RELL2: variants seen among roughly 807,000 people sequenced by gnomAD.
The protein encoded by RELL2 is RELT like 2.
RELL2 carries 18 observed loss-of-function variants against 27.5 expected under a neutral mutation model. The ratio of observed to expected loss-of-function variants is 0.65; its 90% CI spans 0.45 to 0.97. The LOEUF (loss-of-function observed/expected upper bound fraction) is 0.97, where lower values mean the gene tolerates loss of function less well. Ranked by LOEUF, RELL2 falls within the 50% of genes least tolerant of loss-of-function variation. RELL2 has a pLI of 0.00. For synonymous variants in RELL2, 156 were observed against 147.5 expected (o/e 1.06, Z -0.42); for missense variants, 370 against 397.5 (o/e 0.93, Z 0.59).
Position 141,639,300 on chromosome 5 carries a change from A to G in RELL2, c.318-164A>G. 3.2e-6 allele frequency: 2 copies of G among 632,034 alleles called. No homozygotes were observed. The highest frequency in any genetic ancestry group is 2.1e-5 in the South Asian group (1 of 47,364). 39.2% of individuals were successfully genotyped at this position (632,034 alleles called of 1,614,324 possible). A position where few individuals can be genotyped will look rare whatever the true frequency, so the allele number is the denominator to read the frequency against. On this transcript the variant is annotated intron_variant, in intron 3 of 6. Coordinates refer to ENST00000297164, the MANE Select transcript of RELL2 (RefSeq NM_173828.5). The surrounding 1 kb of genome is among the most constrained non-coding windows in gnomAD (Gnocchi z 4.4). ...GCCCTGGGAGGAAGAACATATGGTC[A>G]CTAACATCTTAATATTGAGTTTATT...
In RELL2 at chr5:141,639,128, G is replaced by C. The variant is rs1394611939; in HGVS notation, c.317+107G>C. On this transcript the variant is annotated intron_variant, in intron 3 of 6. Transcript: ENST00000297164. This position sits in a 1 kb window ranked among gnomAD's most constrained non-coding sequence, Gnocchi z 4.4. ...CTTGCATGTATGGGGTTGGGGGAAG[G>C]GCAAAGCTGGCTAACTTATAGGAAG... The C allele has an allele frequency of 5.5e-6, 5 of 913,412 alleles. No individual in the cohort carries two copies. The East Asian group carries it at 1.3e-4, about 24-fold the overall frequency. 56.6% of individuals were successfully genotyped at this position (913,412 alleles called of 1,614,324 possible).
rs780217003 is a variant in RELL2 at position 141,639,612 on chromosome 5, C to A, written c.466C>A (p.Pro156Thr). ...QGRSKEGKSR[P>T]RTGETTVFSV... is the part of the protein sequence containing the mutation. ...ACGCTCCAAGGAAGGAAAAAGCCGCCCCCGGACAGGGGAGACCACTGTGTT... is the reference window on the plus strand; with the variant it reads ...ACGCTCCAAGGAAGGAAAAAGCCGCACCCGGACAGGGGAGACCACTGTGTT... Residue 156 changes from proline (P) to threonine (T), a missense_variant, in exon 4 of 7, where the codon CCC becomes ACC. Pro to Thr is a conservative substitution (Grantham distance 38, BLOSUM62 -1). Transcript: ENST00000297164. This position sits in a 1 kb window ranked among gnomAD's most constrained non-coding sequence, Gnocchi z 4.4. 6.2e-7 allele frequency: 1 copy of A among 1,613,252 alleles called. No homozygotes were observed. Among genetic ancestry groups the A allele is most frequent in the Non-Finnish European group, 8.5e-7 (1 of 1,179,884 alleles).
chr5:141,640,280 C>G lies in RELL2; in HGVS notation c.864C>G (p.Asp288Glu). Residue 288 changes from aspartate (D) to glutamate (E), a missense_variant, in exon 5 of 7, where the codon GAC becomes GAG. Transcript: ENST00000297164. ...CAAATGGGCAGCCAAGCAAACCAGA[C>G]ACTTCTGATCACCAGGTAGGAAAAC... is the stretch of plus-strand genomic sequence containing the variant. Reference protein sequence around the residue: ...QEANGQPSKPDTSDHQVSLPQ... With the variant: ...QEANGQPSKPETSDHQVSLPQ... The G allele has an allele frequency of 6.2e-7, 1 of 1,613,820 alleles. No individual in the cohort carries two copies. Among genetic ancestry groups the G allele is most frequent in the Non-Finnish European group, 8.5e-7 (1 of 1,179,828 alleles).
At chr5:141,640,467 A>G (rs778425892) in intron 6 of RELL2, 22 bp downstream of exon 6, 9 of 1,614,118 alleles carry the variant, frequency 5.6e-6, no homozygotes, top group Non-Finnish European at 6.8e-6. Context: ...TGAGCCCTAA[A>G]TGAGGTAATC....
In RELL2 at chr5:141,640,412, G is replaced by T. The variant is rs776910084; in HGVS notation, c.880G>T (p.Val294Leu). The change falls in exon 6 of 7, where the codon GTG becomes TTG. Residue 294 changes from valine (V) to leucine (L), a missense_variant and splice_region_variant. Physicochemically the swap from Val to Leu is conservative, Grantham distance 32. Coordinates refer to ENST00000297164, the MANE Select transcript of RELL2 (RefSeq NM_173828.5). Reference sequence around the variant, plus strand: ...TGTTGACCCCTCCCCTTTCTCTCAGGTGTCTCTACCACAGGGAGCAGGGAG... The same window carrying T: ...TGTTGACCCCTCCCCTTTCTCTCAGTTGTCTCTACCACAGGGAGCAGGGAG... ...PSKPDTSDHQVSLPQGAGSM is the reference protein window; with the variant it reads ...PSKPDTSDHQLSLPQGAGSM 6.2e-6 allele frequency: 10 copies of T among 1,614,146 alleles called. No individual in the cohort carries two copies. The Admixed American group carries it at 1.7e-4, about 27-fold the overall frequency.
At position 141,638,218 on chromosome 5, in the gene RELL2, A is replaced by G. The variant is rs991374358; in HGVS notation, c.-8A>G. ...GCGCCCTGGCCCGCGCTCGCCCCCCAGGGCCTCATGTCGGAACCACAGCCT... is the reference window on the plus strand; with the variant it reads ...GCGCCCTGGCCCGCGCTCGCCCCCCGGGGCCTCATGTCGGAACCACAGCCT... On this transcript the variant is annotated 5_prime_UTR_variant, in exon 1 of 7. Transcript: ENST00000297164. 6 of 1,607,316 alleles carry G rather than the reference A, an allele frequency of 3.7e-6. No homozygotes were observed. The highest frequency in any genetic ancestry group is 2.2e-5 in the East Asian group (1 of 44,766).
Position 141,640,207 on chromosome 5 carries a change from T to C in RELL2, c.791T>C (p.Leu264Pro). Residue 264 changes from leucine (L) to proline (P), a missense_variant, in exon 5 of 7, where the codon CTG becomes CCG. Transcript: ENST00000297164. ...CCCAGAGCTTCTGCAGAGCCAACAC[T>C]GAGGGCCGGAGGGAGGGGCCCAAGC... ...GNPRASAEPT[L>P]RAGGRGPSPG... The C allele has an allele frequency of 6.2e-7, 1 of 1,614,120 alleles. No individual in the cohort carries two copies.
chr5:141,640,234 C>G lies in RELL2; in HGVS notation c.818C>G (p.Pro273Arg). 6.2e-7 allele frequency: 1 copy of G among 1,614,164 alleles called. No individual in the cohort carries two copies. The highest frequency in any genetic ancestry group is 8.5e-7 in the Non-Finnish European group (1 of 1,180,000). The part of the protein sequence containing the change: ...TLRAGGRGPS[P>R]GLPTQEANGQ... ...AGGGCCGGAGGGAGGGGCCCAAGCC[C>G]AGGGCTGCCCACTCAAGAGGCAAAT... The change falls in exon 5 of 7, where the codon CCA becomes CGA. Residue 273 changes from proline to arginine, a missense_variant. By Grantham distance (103) the Pro-to-Arg change is moderately radical. Coordinates refer to ENST00000297164, the MANE Select transcript of RELL2 (RefSeq NM_173828.5).
At position 141,640,085 on chromosome 5, in the gene RELL2, C is replaced by G; in HGVS notation, c.669C>G (p.Pro223=). ...GGATGCCTGCCATGGAGAGGCTGCCCCCTGAGAGGCCACAGCCCCAGGTCC... is the reference window on the plus strand; with the variant it reads ...GGATGCCTGCCATGGAGAGGCTGCCGCCTGAGAGGCCACAGCCCCAGGTCC... ...KAGMPAMERL[P]PERPQPQVLA... The change falls in exon 5 of 7, where the codon CCC becomes CCG. Residue 223 remains proline (P), a synonymous_variant. Transcript: ENST00000297164. 1 of 1,613,562 alleles carries G rather than the reference C, an allele frequency of 6.2e-7. No individual in the cohort carries two copies. Among genetic ancestry groups the G allele is most frequent in the Non-Finnish European group, 8.5e-7 (1 of 1,179,764 alleles).
Position 141,640,028 on chromosome 5 carries a change from T to C in RELL2, c.612T>C (p.Gly204=). 1.2e-6 allele frequency: 2 copies of C among 1,613,292 alleles called. No individual in the cohort carries two copies. The highest frequency in any genetic ancestry group is 1.7e-5 in the Admixed American group (1 of 59,988). Residue 204 remains glycine (G), a synonymous_variant, in exon 5 of 7, where the codon GGT becomes GGC. Transcript: ENST00000297164. ...GTGGGGGACAGGACCCAGGGGGTGG[T>C]CAGGGGTCTGGGGGAGGGCAGCCCA... ...GSGGGQDPGG[G]QGSGGGQPKA...
rs1274666385 is a variant in RELL2 at position 141,640,276 on chromosome 5, C to T, written c.860C>T (p.Pro287Leu). The change falls in exon 5 of 7, where the codon CCA becomes CTA. Residue 287 changes from proline to leucine, a missense_variant. Pro to Leu is a moderately conservative substitution (Grantham distance 98, BLOSUM62 -3). Coordinates refer to ENST00000297164, the MANE Select transcript of RELL2 (RefSeq NM_173828.5). ...TQEANGQPSKPDTSDHQVSLP... is the reference protein window; with the variant it reads ...TQEANGQPSKLDTSDHQVSLP... ...GAGGCAAATGGGCAGCCAAGCAAAC[C>T]AGACACTTCTGATCACCAGGTAGGA... 1 of 1,613,756 alleles carries T rather than the reference C, an allele frequency of 6.2e-7. No homozygotes were observed. Among genetic ancestry groups the T allele is most frequent in the Non-Finnish European group, 8.5e-7 (1 of 1,179,866 alleles).
At position 141,640,146 on chromosome 5, in the gene RELL2, G is replaced by T. The variant is rs747731609; in HGVS notation, c.730G>T (p.Asp244Tyr). 6.2e-7 allele frequency: 1 copy of T among 1,614,030 alleles called. No homozygotes were observed. Among genetic ancestry groups the T allele is most frequent in the African/African-American group, 1.3e-5 (1 of 74,912 alleles). The part of the protein sequence containing the change: ...SPPVQNGGLR[D>Y]SSLTPRALEG... ...CCCAGTACAGAATGGAGGACTCAGG[G>T]ACAGCAGCCTAACCCCTCGTGCACT... Residue 244 changes from aspartate to tyrosine, a missense_variant, in exon 5 of 7, where the codon GAC (aspartate) becomes TAC (tyrosine). Transcript: ENST00000297164.
rs2154598217 is a variant in RELL2 at position 141,639,690 on chromosome 5, G to A, written c.503+41G>A. ...CAGGGAAAGGGGGGCTGAGGTAGGG[G>A]GCCCAGTGATCAGGCACCTGATCCC... On this transcript the variant is annotated intron_variant, in intron 4 of 6. Transcript: ENST00000297164. This position sits in a 1 kb window ranked among gnomAD's most constrained non-coding sequence, Gnocchi z 4.4. 2 of 1,552,612 alleles carry A rather than the reference G, an allele frequency of 1.3e-6. No homozygotes were observed. Among genetic ancestry groups the A allele is most frequent in the East Asian group, 4.5e-5 (2 of 44,290 alleles).
intron 6 of RELL2, 60 bp from the exon 7 acceptor site, chr5:141,640,611 G>A: frequency 6.5e-7 from 1 of 1,540,660 alleles, no homozygotes; most frequent in African/African-American, 1.4e-5. Context: ...GGAGCCCCAG[G>A]GGAAAAGCTG....
Position 141,639,958 on chromosome 5 carries a change from A to G in RELL2, c.542A>G (p.His181Arg). The G allele has an allele frequency of 6.2e-7, 1 of 1,613,982 alleles. No homozygotes were observed. Among genetic ancestry groups the G allele is most frequent in the Non-Finnish European group, 8.5e-7 (1 of 1,179,982 alleles). ...CACATTGAGAAGCGCTATGGACTGC[A>G]CGAACACCGTGATGGCTCCCCCACA... ...VTHIEKRYGLHEHRDGSPTDR... is the reference protein window; with the variant it reads ...VTHIEKRYGLREHRDGSPTDR... The change falls in exon 5 of 7, where the codon CAC (histidine) becomes CGC (arginine). Residue 181 changes from histidine to arginine, a missense_variant. His to Arg is a conservative substitution (Grantham distance 29, BLOSUM62 0). Coordinates refer to ENST00000297164, the MANE Select transcript of RELL2 (RefSeq NM_173828.5). The surrounding 1 kb of genome is among the most constrained non-coding windows in gnomAD (Gnocchi z 4.4).
Position 141,638,047 on chromosome 5 carries a change from A to G in RELL2, c.-179A>G, listed in dbSNP as rs1009970377. The G allele has an allele frequency of 2.8e-5, 16 of 578,366 alleles. No homozygotes were observed. The Middle Eastern group carries it at 1.4e-3, about 50-fold the overall frequency. 35.8% of individuals were successfully genotyped at this position (578,366 alleles called of 1,614,324 possible). On this transcript the variant is annotated 5_prime_UTR_variant, in exon 1 of 7. Coordinates refer to ENST00000297164, the MANE Select transcript of RELL2 (RefSeq NM_173828.5). ...CTGACCTCTTGCCGAAAGGCGAAAC[A>G]GCACTCCTGGCCCGGACAGCTCCCT...
In RELL2 at chr5:141,640,049, GC is replaced by G. The variant is rs772107241; in HGVS notation, c.636del (p.Lys213ArgfsTer20). On this transcript the variant is annotated frameshift_variant, in exon 5 of 7. Coordinates refer to ENST00000297164, the MANE Select transcript of RELL2 (RefSeq NM_173828.5). LOFTEE classifies it high-confidence loss of function. ...GGGQGSGGGQ[P>X]KAGMPAMERL... is the part of the protein sequence containing the mutation. The stretch of plus-strand genomic sequence containing the variant: ...GTGGTCAGGGGTCTGGGGGAGGGCA[GC>G]CCAAGGCAGGGATGCCTGCCATGGA... The G allele has an allele frequency of 1.2e-5, 20 of 1,613,264 alleles. No homozygotes were observed. In the South Asian group the frequency reaches 2.1e-4, roughly 17 times the overall value.
rs932828216 is a variant in RELL2 at position 141,639,247 on chromosome 5, G to A, written c.318-217G>A. On this transcript the variant is annotated intron_variant, in intron 3 of 6. Transcript: ENST00000297164. This position sits in a 1 kb window ranked among gnomAD's most constrained non-coding sequence, Gnocchi z 4.4. ...ATTCACCTCTAGTGCCACTCCTTTG[G>A]GTTAAGCAGTGTTCTTTTTAGCAAA... 3.3e-6 allele frequency: 2 copies of A among 608,240 alleles called. No individual in the cohort carries two copies. The highest frequency in any genetic ancestry group is 3.7e-5 in the African/African-American group (2 of 54,022). 37.7% of individuals were successfully genotyped at this position (608,240 alleles called of 1,614,324 possible). A position where few individuals can be genotyped will look rare whatever the true frequency, so the allele number is the denominator to read the frequency against.
Position 141,639,222 on chromosome 5 carries a change from A to G in RELL2, c.317+201A>G, listed in dbSNP as rs2099906556. The G allele has an allele frequency of 3.2e-6, 2 of 616,714 alleles. No homozygotes were observed. The highest frequency in any genetic ancestry group is 5.9e-5 in the Admixed American group (2 of 33,946). 38.2% of individuals were successfully genotyped at this position (616,714 alleles called of 1,614,324 possible). On this transcript the variant is annotated intron_variant, in intron 3 of 6. Coordinates refer to ENST00000297164, the MANE Select transcript of RELL2 (RefSeq NM_173828.5). The surrounding 1 kb of genome is among the most constrained non-coding windows in gnomAD (Gnocchi z 4.4). ...TCATCTAGATATCATCAAGCCTAACATTCACCTCTAGTGCCACTCCTTTGG... is the reference window on the plus strand; with the variant it reads ...TCATCTAGATATCATCAAGCCTAACGTTCACCTCTAGTGCCACTCCTTTGG...
Sources: gnomAD v4.1 joint callset for allele counts on GRCh38, gnomAD v4.1.1 for gene constraint, Gnocchi (gnomAD v3.1) non-coding constraint, MANE v1.5 for transcripts, NCBI Gene and HGNC (gene_info 2026-07-23, HGNC 2026-07-21) for gene names.